Variants in PCCA observed in about 807,000 individuals in gnomAD.
PCCA encodes propionyl-CoA carboxylase alpha chain, mitochondrial.
PCCA carries 74 observed loss-of-function variants against 101.3 expected under a neutral mutation model. That is an observed-to-expected ratio of 0.73 (90% CI 0.61 to 0.89). The LOEUF is 0.89. PCCA is among the 40% of genes least tolerant of loss of function. PCCA has a pLI of 0.00. For missense variants in PCCA, 891 were observed against 907.0 expected, an observed-to-expected ratio of 0.98 and a Z score of 0.23; for synonymous variants, 294 against 313.6, an observed-to-expected ratio of 0.94 and a Z score of 0.66.
chr13:100,124,793 A>C (rs977104910), intron 4 of PCCA, among the ~76,000 whole-genome samples: 1 of 152,102 alleles, frequency 6.6e-6, no homozygotes, highest in African/African-American at 2.4e-5. Context: ...TTCATTTTTT[A>C]TATTTACATG....
At position 100,527,629 on chromosome 13, in the gene PCCA, C is replaced by T. The variant is rs944231783; in HGVS notation, c.2041-46C>T. Reference sequence around the variant, plus strand: ...ATGGCTTCATTCCTAAGTGTTAATGCAAAATTAGAATGCTTTTAAAACTTC... The same window carrying T: ...ATGGCTTCATTCCTAAGTGTTAATGTAAAATTAGAATGCTTTTAAAACTTC... On this transcript the variant is annotated intron_variant, in intron 22 of 23. Transcript: ENST00000376285. 2.9e-6 allele frequency: 4 copies of T among 1,365,128 alleles called. No individual in the cohort carries two copies. In the African/African-American group the frequency reaches 4.3e-5, roughly 15 times the overall value. 84.6% of individuals were successfully genotyped at this position (1,365,128 alleles called of 1,614,324 possible).
intron 19 of PCCA, among the ~76,000 whole-genome samples, chr13:100,408,993 C>A (rs1284915252): frequency 1.3e-5 from 2 of 152,162 alleles, no homozygotes; most frequent in African/African-American, 2.4e-5. Flanking sequence ...GGAGTTGAAA[C>A]CCTTGGCTGG....
At chr13:100,099,315 C>CT (rs940373587) in intron 1 of PCCA, among the ~76,000 whole-genome samples, 4,793 of 124,458 alleles carry the variant, frequency 0.039, 294 homozygotes, top group African/African-American at 0.1. Context: ...GCTATCTAAT[C>CT]TTTTTTTTTT....
At chr13:100,402,567 C>T (rs1163459157) in intron 19 of PCCA, among the ~76,000 whole-genome samples, 4 of 152,120 alleles carry the variant, frequency 2.6e-5, no homozygotes, top group Admixed American at 1.3e-4. Flanking sequence ...CCCACCCTCA[C>T]GAACTTCCAG....
chr13:100,500,048 T>C (rs535196609), intron 21 of PCCA, among the ~76,000 whole-genome samples: 2 of 152,340 alleles, frequency 1.3e-5, no homozygotes, highest in South Asian at 4.1e-4. Flanking sequence ...CTGAATCTAA[T>C]TGAAGTAAGA....
At chr13:100,102,534 A>G (rs1331648395) in intron 1 of PCCA, among the ~76,000 whole-genome samples, 1 of 152,178 alleles carries the variant, frequency 6.6e-6, no homozygotes, top group African/African-American at 2.4e-5. Context: ...CTTGAGACCA[A>G]GACTCTCGTT....
At chr13:100,311,304 C>G (rs73573297) in intron 16 of PCCA, among the ~76,000 whole-genome samples, 21,695 of 151,882 alleles carry the variant, frequency 0.14, 2,160 homozygotes, top group African/African-American at 0.27. Flanking sequence ...CTCTCTGAAT[C>G]TCATACTCCA....
In PCCA at chr13:100,440,159, TATATATATATA is replaced by T. The variant is rs1566307958; in HGVS notation, c.1846-9092_1846-9082del. Among the ~76,000 whole-genome samples, 4 of 1,536 alleles carry T rather than the reference TATATATATATA, an allele frequency of 2.6e-3. No homozygotes were observed. The African/African-American group carries it at 0.029, about 11-fold the overall frequency. 1.0% of individuals were successfully genotyped at this position (1,536 alleles called of 152,430 possible). A position where few individuals can be genotyped will look rare whatever the true frequency, so the allele number is the denominator to read the frequency against. ...GTGAAATGACTAGAGTATTAAATTATATATATATATATATATATATATATATATATATATAT... is the reference window on the plus strand; with the variant it reads ...GTGAAATGACTAGAGTATTAAATTATTATATATATATATATATATATATAT... On this transcript the variant is annotated intron_variant, in intron 20 of 23. Coordinates refer to ENST00000376285, the MANE Select transcript of PCCA (RefSeq NM_000282.4).
intron 21 of PCCA, among the ~76,000 whole-genome samples, chr13:100,474,781 G>A (rs1002802538): frequency 6.6e-6 from 1 of 152,016 alleles, no homozygotes; most frequent in Non-Finnish European, 1.5e-5. Flanking sequence ...GTGCCTGGCC[G>A]TATATGTCCA....
chr13:100,186,262 A>G (rs1425406677), intron 6 of PCCA, among the ~76,000 whole-genome samples: 2 of 152,190 alleles, frequency 1.3e-5, no homozygotes, highest in East Asian at 1.9e-4. Flanking sequence ...AATGATCTGG[A>G]TATGGCGTTT....
chr13:100,432,908 T>C (rs2079657249), intron 20 of PCCA, among the ~76,000 whole-genome samples: 1 of 152,254 alleles, frequency 6.6e-6, no homozygotes, highest in Non-Finnish European at 1.5e-5. Context: ...CTTTTGTGAC[T>C]GGCTTATTTC....
chr13:100,322,889 G>A lies in PCCA; in HGVS notation c.1430-7672G>A, dbSNP rs2068217268. Among the ~76,000 whole-genome samples, 3 of 152,230 alleles carry A rather than the reference G, an allele frequency of 2.0e-5. No homozygotes were observed. In the South Asian group the frequency reaches 6.2e-4, roughly 32 times the overall value. Reference sequence around the variant, plus strand: ...TGCACCCAGCACAATTTTCTCATTTGTAAGGTCCCATTTTTCTCTGTAGTT... The same window carrying A: ...TGCACCCAGCACAATTTTCTCATTTATAAGGTCCCATTTTTCTCTGTAGTT... On this transcript the variant is annotated intron_variant, in intron 16 of 23. Coordinates refer to ENST00000376285, the MANE Select transcript of PCCA (RefSeq NM_000282.4).
chr13:100,440,055 T>C (rs1263240293), intron 20 of PCCA, among the ~76,000 whole-genome samples: 1 of 151,000 alleles, frequency 6.6e-6, no homozygotes, highest in East Asian at 1.9e-4. Context: ...ATTTTCTATG[T>C]TAAAGCAGAC....
rs34275910 is a variant in PCCA, at chr13:100,220,426, A to ATT, written c.600+10981_600+10982dup. On this transcript the variant is annotated intron_variant, in intron 7 of 23. Coordinates refer to ENST00000376285, the MANE Select transcript of PCCA (RefSeq NM_000282.4). ...ATGTCTGAGCCACCATGCCTGACTA[A>ATT]TTTTTTTTTTTTTTTTTTTGGTATT... 8.0e-3 allele frequency among the ~76,000 whole-genome samples: 1,063 copies of ATT among 132,458 alleles called. 17 individuals carry two copies. Among genetic ancestry groups the ATT allele is most frequent in the South Asian group, 0.03 (120 of 3,976 alleles). The allele number at this position is 132,458 out of a possible 152,430, so 86.9% of individuals were successfully genotyped here.
chr13:100,301,950 G>T (rs542326346), intron 13 of PCCA, among the ~76,000 whole-genome samples: 1 of 152,030 alleles, frequency 6.6e-6, no homozygotes, highest in Non-Finnish European at 1.5e-5. Context: ...ACAAGAAGTA[G>T]CATTTATTTC....
chr13:100,299,871 C>G (rs1208056657), intron 12 of PCCA, among the ~76,000 whole-genome samples: 1 of 152,176 alleles, frequency 6.6e-6, no homozygotes, highest in East Asian at 1.9e-4. Context: ...TGCCACCACA[C>G]CCGGCTAATT....
In PCCA at chr13:100,517,901, A is replaced by G. The variant is rs974935290; in HGVS notation, c.2040+2334A>G. On this transcript the variant is annotated intron_variant, in intron 22 of 23. Coordinates refer to ENST00000376285, the MANE Select transcript of PCCA (RefSeq NM_000282.4). The stretch of plus-strand genomic sequence containing the variant: ...ATTCTGCTTAGTGTAATTAAAACAC[A>G]AGAAGCTTCCTTGGACCAGAGGCAC... 3.9e-5 allele frequency among the ~76,000 whole-genome samples: 6 copies of G among 152,206 alleles called. No individual in the cohort carries two copies. The South Asian group carries it at 1.0e-3, about 26-fold the overall frequency.
chr13:100,125,301 T>G (rs2049851779), intron 4 of PCCA, among the ~76,000 whole-genome samples: 1 of 152,214 alleles, frequency 6.6e-6, no homozygotes, highest in Non-Finnish European at 1.5e-5. Flanking sequence ...ACATTTAGGT[T>G]GCAATAGGAA....
At position 100,262,717 on chromosome 13, in the gene PCCA, T is replaced by C. The variant is rs1215627701; in HGVS notation, c.717-12T>C. 8.0e-7 allele frequency: 1 copy of C among 1,244,060 alleles called. No homozygotes were observed. The highest frequency in any genetic ancestry group is 1.2e-6 in the Non-Finnish European group (1 of 864,328). The allele number at this position is 1,244,060 out of a possible 1,614,324, so 77.1% of individuals were successfully genotyped here. ...CTCCCCCCCTCCTCCTTCTTCCTTC[T>C]TTTTTTCACAGGGATGGTTTTAGAT... On this transcript the variant is annotated splice_polypyrimidine_tract_variant and intron_variant, in intron 9 of 23. Coordinates refer to ENST00000376285, the MANE Select transcript of PCCA (RefSeq NM_000282.4).
Sources: allele counts gnomAD v4.1 joint callset (sites outside exome capture counted in the v4.1 genomes callset), GRCh38; gene constraint gnomAD v4.1.1; transcripts MANE v1.5; gene names NCBI Gene and HGNC (gene_info 2026-07-23, HGNC 2026-07-21).